ANK3: variants seen among roughly 807,000 people sequenced by gnomAD.
ANK3 encodes the protein ankyrin-3.
In ANK3, 57 loss-of-function variants were observed where a neutral mutation model predicts 370.9. The ratio of observed to expected loss-of-function variants is 0.15; its 90% CI spans 0.12 to 0.19. The LOEUF (loss-of-function observed/expected upper bound fraction) is 0.19, where lower values mean the gene tolerates loss of function less well. Ranked by LOEUF, ANK3 falls within the 10% of genes least tolerant of loss-of-function variation. The probability of loss-of-function intolerance (pLI) is 1.00; values close to 1 mark genes in which losing one functional copy is unlikely to be tolerated. For missense variants in ANK3, 4,439 were observed against 5,302.1 expected (o/e 0.84, Z 5.06); for synonymous variants, 1,929 against 1,946.3 (o/e 0.99, Z 0.23).
chr10:60,675,078 T>A (rs1376492527), intron 1 of ANK3, among the ~76,000 whole-genome samples: 5 of 152,258 alleles, frequency 3.3e-5, no homozygotes, highest in Admixed American at 2.0e-4. Flanking sequence ...GTGGAATTTT[T>A]AAATCAGTTT....
chr10:60,222,885 TA>T (rs1379785560), intron 8 of ANK3, among the ~76,000 whole-genome samples: 3 of 152,182 alleles, frequency 2.0e-5, no homozygotes, highest in East Asian at 3.8e-4. Flanking sequence ...TTTCACAAAT[TA>T]AATGGAATCT....
intron 1 of ANK3, among the ~76,000 whole-genome samples, chr10:60,388,728 G>A (rs1233638571): frequency 6.6e-6 from 1 of 152,148 alleles, no homozygotes; most frequent in Non-Finnish European, 1.5e-5. Flanking sequence ...AGCAATCAGT[G>A]TTGAAGGTTG....
At chr10:60,593,795 A>AT (rs1019046715) in intron 2 of ANK3, among the ~76,000 whole-genome samples, 8 of 152,128 alleles carry the variant, frequency 5.3e-5, no homozygotes, top group Admixed American at 5.2e-4. Context: ...TAATCCATTA[A>AT]TTTTTCTGCT....
At chr10:60,389,100 C>T (rs547083625) in intron 1 of ANK3, among the ~76,000 whole-genome samples, 76 of 152,244 alleles carry the variant, frequency 5.0e-4, no homozygotes, top group Admixed American at 2.1e-3. Flanking sequence ...GTGCATTTCA[C>T]CTTGACTGGG....
intron 1 of ANK3, among the ~76,000 whole-genome samples, chr10:60,383,633 T>A (rs2061848153): frequency 6.6e-6 from 1 of 152,052 alleles, no homozygotes; most frequent in African/African-American, 2.4e-5. Flanking sequence ...TGTAAACACA[T>A]AATTATGGTA....
chr10:60,395,861 A>G (rs1374981321), intron 2 of ANK3, among the ~76,000 whole-genome samples: 2 of 152,140 alleles, frequency 1.3e-5, no homozygotes, highest in African/African-American at 4.8e-5. Context: ...GAACACACAG[A>G]CAGGTGCTAC....
chr10:60,208,145 T>A lies in ANK3; in HGVS notation c.1085A>T (p.Asp362Val), dbSNP rs1228178658. 2 of 1,614,100 alleles carry A rather than the reference T, an allele frequency of 1.2e-6. No individual in the cohort carries two copies. Among genetic ancestry groups the A allele is most frequent in the Non-Finnish European group, 8.5e-7 (1 of 1,179,988 alleles). Residue 362 changes from aspartate (D) to valine (V), a missense_variant, in exon 10 of 44, where the codon GAT becomes GTT. This residue lies in a region of ANK3 where 227 missense variants were observed against 377.6 expected (regional missense o/e 0.60). Coordinates refer to ENST00000280772, the MANE Select transcript of ANK3 (RefSeq NM_020987.5). ...LLLQHNVPVDDVTNDYLTALH... is the reference protein window; with the variant it reads ...LLLQHNVPVDVVTNDYLTALH... ...GGCAGTCAGGTAGTCATTGGTGACA[T>A]CATCCACGGGTACATTATGCTGGAG...
At chr10:60,280,452 C>G (rs1431193974) in intron 1 of ANK3, among the ~76,000 whole-genome samples, 1 of 152,102 alleles carries the variant, frequency 6.6e-6, no homozygotes, top group Non-Finnish European at 1.5e-5. Context: ...GGAGCAGCAG[C>G]AGAAAGAAAT....
intron 1 of ANK3, among the ~76,000 whole-genome samples, chr10:60,618,133 A>C (rs1027890634): frequency 5.9e-5 from 9 of 152,136 alleles, no homozygotes; most frequent in Admixed American, 2.6e-4. Flanking sequence ...TCATGCAGCC[A>C]GTACATGGTG....
chr10:60,601,498 T>G (rs1001252914), intron 2 of ANK3, among the ~76,000 whole-genome samples: 2 of 151,738 alleles, frequency 1.3e-5, no homozygotes, highest in Admixed American at 6.6e-5. Flanking sequence ...ATCAGAAAAA[T>G]TTCAGACAAC....
rs146989349 is a variant in ANK3, at chr10:60,644,454, T to C, written c.58-29230A>G. On this transcript the variant is annotated intron_variant, in intron 1 of 43. Coordinates refer to the ANK3 transcript ENST00000373827. ...TTATGTTTCTAAGTAAATACATTCA[T>C]CACTAAATAAAAACCACTACGTTTT... Among the ~76,000 whole-genome samples, 280 of 152,304 alleles carry C rather than the reference T, an allele frequency of 1.8e-3. 1 individual carries two copies. Among genetic ancestry groups the C allele is most frequent in the African/African-American group, 6.2e-3 (259 of 41,570 alleles).
intron 2 of ANK3, among the ~76,000 whole-genome samples, chr10:60,491,221 A>C (rs1209634815): frequency 6.6e-6 from 1 of 152,196 alleles, no homozygotes; most frequent in South Asian, 2.1e-4. Flanking sequence ...AATATGACTA[A>C]GGTTAAAATC....
At position 60,208,197 on chromosome 10, in the gene ANK3, C is replaced by A. The variant is rs1457425985; in HGVS notation, c.1033G>T (p.Asp345Tyr). ...AGAAGCTGGACGCAGTTTAAATGATCCCCTTGTGTGGCCATGTGCAATGGA... is the reference window on the plus strand; with the variant it reads ...AGAAGCTGGACGCAGTTTAAATGATACCCTTGTGTGGCCATGTGCAATGGA... Reference protein sequence around the residue: ...LSPLHMATQGDHLNCVQLLLQ... With the variant: ...LSPLHMATQGYHLNCVQLLLQ... Residue 345 changes from aspartate to tyrosine, a missense_variant, in exon 10 of 44, where the codon GAT becomes TAT. Physicochemically the swap from Asp to Tyr is radical, Grantham distance 160. Transcript: ENST00000280772. The A allele has an allele frequency of 1.2e-6, 2 of 1,614,000 alleles. No individual in the cohort carries two copies. Among genetic ancestry groups the A allele is most frequent in the African/African-American group, 2.7e-5 (2 of 74,900 alleles).
At chr10:60,711,932 G>T (rs1432514963) in intron 1 of ANK3, among the ~76,000 whole-genome samples, 2 of 152,276 alleles carry the variant, frequency 1.3e-5, no homozygotes, top group East Asian at 3.9e-4. Context: ...AATATTTAAA[G>T]TGTTGAAAGA....
intron 2 of ANK3, among the ~76,000 whole-genome samples, chr10:60,497,105 C>T (rs1213905525): frequency 6.6e-6 from 1 of 151,970 alleles, no homozygotes; most frequent in Non-Finnish European, 1.5e-5. Context: ...AGTTTGAGAC[C>T]AGCCTGGGCA....
intron 1 of ANK3, among the ~76,000 whole-genome samples, chr10:60,690,991 C>G (rs1589033071): frequency 6.6e-6 from 1 of 152,110 alleles, no homozygotes; most frequent in East Asian, 1.9e-4. Context: ...TGGATTAAAC[C>G]CATACAGATT....
chr10:60,469,303 A>G, intron 2 of ANK3, among the ~76,000 whole-genome samples: 1 of 147,476 alleles, frequency 6.8e-6, no homozygotes, highest in African/African-American at 2.4e-5. Context: ...ATATATATAT[A>G]TATACCACTT....
At chr10:60,661,189 G>T (rs1193656286) in intron 1 of ANK3, among the ~76,000 whole-genome samples, 1 of 150,848 alleles carries the variant, frequency 6.6e-6, no homozygotes, top group African/African-American at 2.4e-5. Flanking sequence ...TGTCAATGAC[G>T]GAACCATAAC....
chr10:60,061,755 GAGAC>G (rs1047608675), intron 40 of ANK3, among the ~76,000 whole-genome samples: 14 of 149,870 alleles, frequency 9.3e-5, no homozygotes, highest in African/African-American at 3.4e-4. Flanking sequence ...TTTTTTTTAA[GAGAC>G]AGACAGTGCT....
Sources: allele counts gnomAD v4.1 joint callset (sites outside exome capture counted in the v4.1 genomes callset), GRCh38; gene constraint gnomAD v4.1.1; regional missense constraint gnomAD v4.1.1; transcripts MANE v1.5; gene names NCBI Gene and HGNC (gene_info 2026-07-23, HGNC 2026-07-21).